Variants in SMURF1 observed in about 807,000 individuals in gnomAD.
SMURF1 encodes the protein E3 ubiquitin-protein ligase SMURF1.
Under a neutral mutation model 98.0 loss-of-function variants are expected in SMURF1, and 44 were observed. The observed-to-expected ratio is 0.45, with a 90% confidence interval of 0.35 to 0.58. SMURF1 has a LOEUF of 0.58. SMURF1 is among the 20% of genes least tolerant of loss of function. The pLI is 0.00. For missense variants in SMURF1, 687 were observed against 938.4 expected, an observed-to-expected ratio of 0.73 and a Z score of 3.50; for synonymous variants, 396 against 374.9, an observed-to-expected ratio of 1.06 and a Z score of -0.65.
At chr7:99,088,419 A>G (rs1268676881) in intron 1 of SMURF1, among the ~76,000 whole-genome samples, 1 of 151,484 alleles carries the variant, frequency 6.6e-6, no homozygotes, top group African/African-American at 2.4e-5. Context: ...TTCCAGGCCT[A>G]GTTCAAGTCC....
chr7:99,119,185 T>C (rs918114090), intron 1 of SMURF1, among the ~76,000 whole-genome samples: 10 of 152,006 alleles, frequency 6.6e-5, no homozygotes, highest in African/African-American at 2.4e-4. Flanking sequence ...AAAGAATATA[T>C]GTACAAGTAT....
intron 14 of SMURF1, among the ~76,000 whole-genome samples, chr7:99,037,733 T>C (rs1029079531): frequency 2.0e-5 from 3 of 152,238 alleles, no homozygotes; most frequent in African/African-American, 7.2e-5. Context: ...GAACCTGATC[T>C]GTCACATCAA....
At chr7:99,128,342 G>A (rs1333346865) in intron 1 of SMURF1, among the ~76,000 whole-genome samples, 1 of 152,102 alleles carries the variant, frequency 6.6e-6, no homozygotes. Context: ...CAGTAAACAG[G>A]TCAAGTCCCC....
chr7:99,063,265 ATATATATATAT>A (rs1796098552), intron 1 of SMURF1, among the ~76,000 whole-genome samples: 1 of 8,172 alleles, frequency 1.2e-4, no homozygotes, highest in Admixed American at 1.8e-3. Context: ...ATATATATAT[ATATATATATAT>A]ATATATATAT....
intron 1 of SMURF1, among the ~76,000 whole-genome samples, chr7:99,073,466 T>A (rs1168889283): frequency 7.1e-6 from 1 of 141,680 alleles, no homozygotes; most frequent in African/African-American, 2.7e-5. Context: ...ATTTAAAACT[T>A]AAAAAAAAAA....
chr7:99,096,612 T>A (rs1008840410), intron 1 of SMURF1, among the ~76,000 whole-genome samples: 3 of 152,140 alleles, frequency 2.0e-5, no homozygotes, highest in African/African-American at 7.2e-5. Context: ...ACCAAGAAGA[T>A]ATAACAATCC....
intron 1 of SMURF1, among the ~76,000 whole-genome samples, chr7:99,138,977 G>A (rs1798054750): frequency 6.6e-6 from 1 of 152,202 alleles, no homozygotes; most frequent in Admixed American, 6.5e-5. Context: ...TAAATGCAAA[G>A]GGAGCTAAAA....
chr7:99,079,996 GAA>G (rs58628670), intron 1 of SMURF1, among the ~76,000 whole-genome samples: 9 of 125,510 alleles, frequency 7.2e-5, no homozygotes, highest in Non-Finnish European at 8.2e-5. Flanking sequence ...GATTAGTTAA[GAA>G]AAAAAAAAAA....
chr7:99,035,789 C>T (rs1208180245), intron 15 of SMURF1, 73 bp from the exon 16 acceptor site: 7 of 1,424,938 alleles, frequency 4.9e-6, no homozygotes, highest in South Asian at 1.2e-5. Flanking sequence ...CCTAGGTACC[C>T]GACACACAAC....
intron 13 of SMURF1, among the ~76,000 whole-genome samples, chr7:99,039,270 CAA>C (rs1795278463): frequency 6.7e-6 from 1 of 148,990 alleles, no homozygotes; most frequent in Non-Finnish European, 1.5e-5. Context: ...AGTTCAAACA[CAA>C]AAGTACTCGA....
intron 13 of SMURF1, among the ~76,000 whole-genome samples, chr7:99,039,765 A>C (rs1795302114): frequency 6.6e-6 from 1 of 152,132 alleles, no homozygotes; most frequent in Admixed American, 6.5e-5. Context: ...CGACTCACCC[A>C]CATTCCCTCC....
chr7:99,036,664 G>A (rs1463742105), intron 15 of SMURF1, among the ~76,000 whole-genome samples: 1 of 152,112 alleles, frequency 6.6e-6, no homozygotes, highest in Non-Finnish European at 1.5e-5. Context: ...CATGCAGTAT[G>A]ACTAGAGAAG....
At chr7:99,039,668 G>C (rs1311593502) in intron 13 of SMURF1, among the ~76,000 whole-genome samples, 1 of 152,148 alleles carries the variant, frequency 6.6e-6, no homozygotes, top group Non-Finnish European at 1.5e-5. Flanking sequence ...GCACCCAGCT[G>C]AGTGGAAGAT....
At chr7:99,112,221 T>G (rs1232058343) in intron 1 of SMURF1, among the ~76,000 whole-genome samples, 1 of 152,180 alleles carries the variant, frequency 6.6e-6, no homozygotes, top group Non-Finnish European at 1.5e-5. Flanking sequence ...ACTTTCAGGA[T>G]CTTTGCAAAC....
intron 16 of SMURF1, 106 bp from the exon 17 acceptor site, chr7:99,033,227 A>C: frequency 1.8e-6 from 2 of 1,110,084 alleles, no homozygotes; most frequent in Non-Finnish European, 1.3e-6. Context: ...CCACCCCCAC[A>C]CCCAGGCAGG....
chr7:99,036,799 C>T (rs1795162965), intron 15 of SMURF1, among the ~76,000 whole-genome samples: 1 of 152,138 alleles, frequency 6.6e-6, no homozygotes, highest in Non-Finnish European at 1.5e-5. Context: ...AGAGATCTTG[C>T]AAACAAGGGA....
At chr7:99,127,189 G>C (rs1164127025) in intron 1 of SMURF1, among the ~76,000 whole-genome samples, 2 of 152,178 alleles carry the variant, frequency 1.3e-5, no homozygotes, top group Admixed American at 1.3e-4. Context: ...ACGAGCACAG[G>C]GATAGTCATT....
Position 99,040,522 on chromosome 7 carries a change from A to G in SMURF1, c.1406T>C (p.Ile469Thr), listed in dbSNP as rs1795336214. Residue 469 changes from isoleucine (I) to threonine (T), a missense_variant, in exon 13 of 18, where the codon ATC (isoleucine) becomes ACC (threonine). Physicochemically the swap from Ile to Thr is moderately conservative, Grantham distance 89. Transcript: ENST00000361368. ...HLSYFHFVGRIMGLAVFHGHY... is the reference protein window; with the variant it reads ...HLSYFHFVGRTMGLAVFHGHY... ...TCCATGGAACACAGCCAGCCCCATG[A>G]TCCGCCCCACAAAGTGGAAATAAGA... 2 of 1,521,574 alleles carry G rather than the reference A, an allele frequency of 1.3e-6. No individual in the cohort carries two copies. Among genetic ancestry groups the G allele is most frequent in the Non-Finnish European group, 8.8e-7 (1 of 1,134,654 alleles). 94.3% of individuals were successfully genotyped at this position (1,521,574 alleles called of 1,614,324 possible).
rs1156899895 is a variant in SMURF1, at chr7:99,047,719, A to G, written c.1117T>C (p.Cys373Arg). 1 of 1,614,114 alleles carries G rather than the reference A, an allele frequency of 6.2e-7. No individual in the cohort carries two copies. Among genetic ancestry groups the G allele is most frequent in the Non-Finnish European group, 8.5e-7 (1 of 1,180,056 alleles). The change falls in exon 10 of 18, where the codon TGC becomes CGC. Residue 373 changes from cysteine (C) to arginine (R), a missense_variant. This residue lies in a region of SMURF1 where 415 missense variants were observed against 508.4 expected (regional missense o/e 0.82). Coordinates refer to ENST00000361368, the MANE Select transcript of SMURF1 (RefSeq NM_181349.3). ...LSLQQPQAGHCRIEVSREEIF... is the reference protein window; with the variant it reads ...LSLQQPQAGHRRIEVSREEIF... The stretch of plus-strand genomic sequence containing the variant: ...TCTTCTCTGGACACTTCGATGCGGC[A>G]ATGACCAGCTTGGGGCTGCTGAAGC...
Sources: allele counts gnomAD v4.1 joint callset (sites outside exome capture counted in the v4.1 genomes callset), GRCh38; gene constraint gnomAD v4.1.1; regional missense constraint gnomAD v4.1.1; transcripts MANE v1.5; gene names NCBI Gene and HGNC (gene_info 2026-07-23, HGNC 2026-07-21).